The following CFAP20DC variants were observed in gnomAD, a reference collection of about 807,000 sequenced individuals.
CFAP20DC encodes the protein CFAP20 domain containing, also known as protein CFAP20DC.
Under a neutral mutation model 101.7 loss-of-function variants are expected in CFAP20DC, and 84 were observed. The ratio of observed to expected loss-of-function variants is 0.83; its 90% CI spans 0.69 to 0.99. CFAP20DC has a LOEUF of 0.99. CFAP20DC is among the 50% of genes least tolerant of loss of function. The pLI is 0.00. For missense variants in CFAP20DC, 1,007 were observed against 970.3 expected (o/e 1.04, Z -0.50); for synonymous variants, 359 against 351.2 (o/e 1.02, Z -0.25).
chr3:58,796,370 C>T (rs566536194), intron 15 of CFAP20DC, among the ~76,000 whole-genome samples: 16 of 152,168 alleles, frequency 1.1e-4, no homozygotes, highest in Middle Eastern at 3.4e-3. Context: ...GGATGATTCT[C>T]GAGGGATTCA....
At chr3:58,995,082 C>T (rs1364648060) in intron 4 of CFAP20DC, among the ~76,000 whole-genome samples, 1 of 152,146 alleles carries the variant, frequency 6.6e-6, no homozygotes, top group Non-Finnish European at 1.5e-5. Flanking sequence ...CCTTGAGAAC[C>T]TCAGGCTGCA....
At chr3:58,781,052 C>T (rs1043312846) in intron 15 of CFAP20DC, among the ~76,000 whole-genome samples, 1 of 151,792 alleles carries the variant, frequency 6.6e-6, no homozygotes, top group Non-Finnish European at 1.5e-5. Context: ...AAATAAGTGT[C>T]AATACATTTT....
chr3:58,740,559 C>T (rs1382065312), downstream of CFAP20DC, among the ~76,000 whole-genome samples: 1 of 152,136 alleles, frequency 6.6e-6, no homozygotes, highest in African/African-American at 2.4e-5. The surrounding 1 kb of genome is among the most constrained non-coding windows in gnomAD (Gnocchi z 4.6). Context: ...GTGTCTGTTG[C>T]TTGCAATTTA....
At chr3:59,012,923 T>G (rs1450181685) in intron 4 of CFAP20DC, among the ~76,000 whole-genome samples, 2 of 152,220 alleles carry the variant, frequency 1.3e-5, no homozygotes, top group Non-Finnish European at 2.9e-5. Context: ...TTCAATTTAT[T>G]TCTACATAAG....
rs564155696 is a variant in CFAP20DC, at chr3:58,878,787, G to A, written c.715+5758C>T. Among the ~76,000 whole-genome samples, 8 of 152,154 alleles carry A rather than the reference G, an allele frequency of 5.3e-5. No individual in the cohort carries two copies. The South Asian group carries it at 8.3e-4, about 16-fold the overall frequency. On this transcript the variant is annotated intron_variant, in intron 7 of 16. Transcript: ENST00000482387. The stretch of plus-strand genomic sequence containing the variant: ...ATCACTTTGGGAGGCTGAGGGGGGC[G>A]GATCACAAGGTCAGGAGATCGAGAC...
intron 14 of CFAP20DC, among the ~76,000 whole-genome samples, chr3:58,806,905 C>G (rs537457925): frequency 6.6e-6 from 1 of 152,260 alleles, no homozygotes; most frequent in South Asian, 2.1e-4. Flanking sequence ...AACGGCGCAC[C>G]AGGAGATTAT....
chr3:58,893,768 G>A (rs1475624271), intron 6 of CFAP20DC, among the ~76,000 whole-genome samples: 1 of 151,138 alleles, frequency 6.6e-6, no homozygotes, highest in Non-Finnish European at 1.5e-5. Flanking sequence ...CTGTTCCTGG[G>A]CTTTTTTTTT....
chr3:58,957,605 T>C (rs996403172), intron 4 of CFAP20DC, among the ~76,000 whole-genome samples: 1 of 152,184 alleles, frequency 6.6e-6, no homozygotes, highest in Non-Finnish European at 1.5e-5. Flanking sequence ...GCAAACCAAG[T>C]GTCCATCAAC....
At chr3:58,996,720 T>C (rs772152061) in intron 4 of CFAP20DC, among the ~76,000 whole-genome samples, 1 of 152,250 alleles carries the variant, frequency 6.6e-6, no homozygotes, top group South Asian at 2.1e-4. Context: ...ATTTTTTTCC[T>C]AGCAAGAATT....
intron 3 of CFAP20DC, among the ~76,000 whole-genome samples, chr3:58,731,715 G>C (rs2067649182): frequency 6.6e-6 from 1 of 152,156 alleles, no homozygotes; most frequent in South Asian, 2.1e-4. Flanking sequence ...AAAAAATATA[G>C]ATTCTTTTTA....
At chr3:58,810,301 T>A (rs1437060483) in intron 14 of CFAP20DC, among the ~76,000 whole-genome samples, 2 of 152,104 alleles carry the variant, frequency 1.3e-5, no homozygotes, top group Non-Finnish European at 1.5e-5. Context: ...GCAAAAATCC[T>A]CAATAAAATA....
chr3:58,949,504 A>G (rs1186013644), intron 4 of CFAP20DC, among the ~76,000 whole-genome samples: 1 of 152,102 alleles, frequency 6.6e-6, no homozygotes, highest in African/African-American at 2.4e-5. Flanking sequence ...CGTTGGTTTC[A>G]AAGAACATCT....
intron 4 of CFAP20DC, among the ~76,000 whole-genome samples, chr3:58,948,259 C>G (rs539758660): frequency 1.3e-5 from 2 of 152,332 alleles, no homozygotes; most frequent in African/African-American, 4.8e-5. Flanking sequence ...ATGCACTTCC[C>G]TTGGAAAGCC....
intron 15 of CFAP20DC, among the ~76,000 whole-genome samples, chr3:58,771,822 C>G (rs2070875662): frequency 6.6e-6 from 1 of 152,154 alleles, no homozygotes; most frequent in Non-Finnish European, 1.5e-5. Flanking sequence ...AGCCCAAACC[C>G]CATTTCCTGT....
intron 15 of CFAP20DC, among the ~76,000 whole-genome samples, chr3:58,779,500 C>G (rs2071631994): frequency 6.6e-6 from 1 of 151,972 alleles, no homozygotes; most frequent in Admixed American, 6.6e-5. Context: ...TCAGAGCACA[C>G]AGATATATAA....
rs988345285 is a variant in CFAP20DC at position 58,868,189 on chromosome 3, T to C, written c.1016-253A>G. Among the ~76,000 whole-genome samples, 5 of 152,154 alleles carry C rather than the reference T, an allele frequency of 3.3e-5. No individual in the cohort carries two copies. In the East Asian group the frequency reaches 9.6e-4, roughly 29 times the overall value. On this transcript the variant is annotated intron_variant, in intron 9 of 16. Coordinates refer to ENST00000482387, the MANE Select transcript of CFAP20DC (RefSeq NM_001394063.1). This position sits in a 1 kb window ranked among gnomAD's most constrained non-coding sequence, Gnocchi z 4.6. ...ATAACCTTATAGAGGGCTAAAGTAA[T>C]TTGACTAATGTTAATCATACAACAT...
At chr3:58,917,953 T>C (rs1265584634) in intron 5 of CFAP20DC, among the ~76,000 whole-genome samples, 1 of 152,184 alleles carries the variant, frequency 6.6e-6, no homozygotes, top group African/African-American at 2.4e-5. Context: ...TCACAATACC[T>C]GTTCAGCAAT....
intron 4 of CFAP20DC, among the ~76,000 whole-genome samples, chr3:58,961,501 C>A (rs545239355): frequency 3.3e-5 from 5 of 152,044 alleles, no homozygotes; most frequent in Non-Finnish European, 4.4e-5. Flanking sequence ...TTGCAGTGAG[C>A]GAAGATCACG....
intron 3 of CFAP20DC, among the ~76,000 whole-genome samples, chr3:58,736,131 T>C (rs1053029646): frequency 2.0e-5 from 3 of 152,170 alleles, no homozygotes; most frequent in African/African-American, 7.2e-5. Context: ...ACTACATAGA[T>C]ATCAAAAGTC....
Sources: allele counts gnomAD v4.1 joint callset (sites outside exome capture counted in the v4.1 genomes callset), GRCh38; gene constraint gnomAD v4.1.1; non-coding constraint Gnocchi (gnomAD v3.1); transcripts MANE v1.5; gene names NCBI Gene and HGNC (gene_info 2026-07-23, HGNC 2026-07-21).